Variants in BRINP1 observed in about 807,000 individuals in gnomAD.
The protein encoded by BRINP1 is BMP/retinoic acid-inducible neural-specific protein 1.
A neutral mutation model predicts 72.9 loss-of-function variants in BRINP1; 17 were observed. That is an observed-to-expected ratio of 0.23 (90% CI 0.16 to 0.35). The LOEUF (loss-of-function observed/expected upper bound fraction) is 0.35, where lower values mean the gene tolerates loss of function less well. Among genes scored for constraint, BRINP1 ranks in the 10% least tolerant of loss-of-function variants. The probability of loss-of-function intolerance (pLI) is 1.00; values close to 1 mark genes in which losing one functional copy is unlikely to be tolerated. For synonymous variants in BRINP1, 418 were observed against 378.5 expected (o/e 1.10, Z -1.21); for missense variants, 850 against 1,001.6 (o/e 0.85, Z 2.04).
chr9:119,303,291 G>C (rs201791272), intron 2 of BRINP1, among the ~76,000 whole-genome samples: 27 of 117,358 alleles, frequency 2.3e-4, no homozygotes, highest in South Asian at 8.9e-4. Context: ...CACACACACA[G>C]ACACACACAC....
intron 2 of BRINP1, among the ~76,000 whole-genome samples, chr9:119,268,934 A>C (rs549799269): frequency 6.2e-4 from 94 of 152,344 alleles, no homozygotes; most frequent in Non-Finnish European, 1.2e-3. Flanking sequence ...AAGGCACTAA[A>C]ATGTAGTTGA....
intron 1 of BRINP1, among the ~76,000 whole-genome samples, chr9:119,336,007 T>C (rs1277698064): frequency 6.6e-6 from 1 of 152,110 alleles, no homozygotes; most frequent in African/African-American, 2.4e-5. Context: ...TCCAGGGAGG[T>C]AGTTATTGCT....
intron 2 of BRINP1, among the ~76,000 whole-genome samples, chr9:119,270,352 G>A (rs1213015846): frequency 6.6e-6 from 1 of 152,142 alleles, no homozygotes; most frequent in Non-Finnish European, 1.5e-5. Context: ...AGATCACCCC[G>A]TGTTGAGAGT....
At chr9:119,334,989 AG>A (rs1359666716) in intron 1 of BRINP1, among the ~76,000 whole-genome samples, 9 of 152,082 alleles carry the variant, frequency 5.9e-5, no homozygotes, top group Non-Finnish European at 1.3e-4. Flanking sequence ...ATACTGTGGG[AG>A]CTCAGCAGGG....
At position 119,368,358 on chromosome 9, in the gene BRINP1, G is replaced by A. The variant is rs1042786372; in HGVS notation, c.-51+698C>T. Among the ~76,000 whole-genome samples, 1 of 152,092 alleles carries A rather than the reference G, an allele frequency of 6.6e-6. No individual in the cohort carries two copies. Among genetic ancestry groups the A allele is most frequent in the African/African-American group, 2.4e-5 (1 of 41,416 alleles). ...AAGTGACAGCGTCTCATTTGCCTCGGGGGTTGGCCATGTCTCTTTCATATT... is the reference window on the plus strand; with the variant it reads ...AAGTGACAGCGTCTCATTTGCCTCGAGGGTTGGCCATGTCTCTTTCATATT... On this transcript the variant is annotated intron_variant, in intron 1 of 7. Transcript: ENST00000265922. This position sits in a 1 kb window ranked among gnomAD's most constrained non-coding sequence, Gnocchi z 4.7.
chr9:119,342,250 T>C (rs76377641), intron 1 of BRINP1, among the ~76,000 whole-genome samples: 2,680 of 152,138 alleles, frequency 0.018, 104 homozygotes, highest in African/African-American at 0.062. Flanking sequence ...TCAGTTGTAA[T>C]GATATGAAAT....
At chr9:119,327,533 T>G (rs893396635) in intron 1 of BRINP1, among the ~76,000 whole-genome samples, 2 of 152,216 alleles carry the variant, frequency 1.3e-5, no homozygotes, top group East Asian at 3.8e-4. Context: ...TGTCAGAGTT[T>G]CATTTTAGAT....
chr9:119,343,325 G>A (rs1416504836), intron 1 of BRINP1, among the ~76,000 whole-genome samples: 8 of 152,180 alleles, frequency 5.3e-5, no homozygotes, highest in Non-Finnish European at 1.5e-5. Context: ...AAACACATCA[G>A]TAAGAGAAAG....
intron 2 of BRINP1, among the ~76,000 whole-genome samples, chr9:119,310,754 G>A (rs778724360): frequency 5.3e-5 from 8 of 152,084 alleles, no homozygotes; most frequent in African/African-American, 9.7e-5. Flanking sequence ...GTAACGTGCC[G>A]TGTCCATGCT....
At chr9:119,235,632 G>C (rs542301181) in intron 5 of BRINP1, among the ~76,000 whole-genome samples, 33 of 152,096 alleles carry the variant, frequency 2.2e-4, no homozygotes, top group Non-Finnish European at 2.6e-4. Flanking sequence ...TGTCTGTCTT[G>C]TTCACGACTT....
chr9:119,187,889 T>TA (rs1425900922), intron 7 of BRINP1, among the ~76,000 whole-genome samples: 1 of 152,132 alleles, frequency 6.6e-6, no homozygotes, highest in Non-Finnish European at 1.5e-5. Flanking sequence ...AGAGAAATCT[T>TA]AAAGCTGAAT....
Position 119,167,374 on chromosome 9 carries a change from C to T in BRINP1, c.1996G>A (p.Ala666Thr), listed in dbSNP as rs201374834. 41 of 1,614,008 alleles carry T rather than the reference C, an allele frequency of 2.5e-5. No homozygotes were observed. The highest frequency in any genetic ancestry group is 1.0e-4 in the Admixed American group (6 of 60,018). The stretch of plus-strand genomic sequence containing the variant: ...TGCACTGCACTGCGCAGGAGGTCGG[C>T]GTTGAACCTCAGGCTATACCCAAAC... ...QVFGYSLRFN[A>T]DLLRSAVQQV... is the part of the protein sequence containing the mutation. The change falls in exon 8 of 8, where the codon GCC (alanine) becomes ACC (threonine). Residue 666 changes from alanine to threonine, a missense_variant. Coordinates refer to ENST00000265922, the MANE Select transcript of BRINP1 (RefSeq NM_014618.3). The surrounding 1 kb of genome is among the most constrained non-coding windows in gnomAD (Gnocchi z 4.3).
intron 1 of BRINP1, among the ~76,000 whole-genome samples, chr9:119,321,985 C>T (rs746491027): frequency 1.3e-5 from 2 of 152,244 alleles, no homozygotes; most frequent in African/African-American, 2.4e-5. Context: ...TTATCAACAG[C>T]GTAGAACCCA....
intron 1 of BRINP1, among the ~76,000 whole-genome samples, chr9:119,339,974 CTCAT>C (rs1478418761): frequency 1.3e-5 from 2 of 152,144 alleles, no homozygotes; most frequent in Non-Finnish European, 2.9e-5. Flanking sequence ...TGCTCCCACA[CTCAT>C]TCCCTCTCCC....
intron 5 of BRINP1, among the ~76,000 whole-genome samples, chr9:119,218,095 G>A (rs1169098365): frequency 1.3e-5 from 2 of 151,964 alleles, no homozygotes; most frequent in African/African-American, 2.4e-5. Context: ...CCATTAGAGA[G>A]TAGGCTCTAG....
chr9:119,311,781 G>A (rs111356760), intron 2 of BRINP1, among the ~76,000 whole-genome samples: 4,651 of 152,126 alleles, frequency 0.031, 233 homozygotes, highest in African/African-American at 0.11. Flanking sequence ...TGATTGTAAC[G>A]AAAAATGTTT....
At chr9:119,173,310 A>T (rs1300633185) in intron 7 of BRINP1, among the ~76,000 whole-genome samples, 2 of 148,262 alleles carry the variant, frequency 1.3e-5, no homozygotes, top group Admixed American at 6.7e-5. Context: ...CAATGTACAA[A>T]AATCACAAGC....
intron 5 of BRINP1, among the ~76,000 whole-genome samples, chr9:119,230,823 CG>C (rs1179535587): frequency 2.0e-5 from 3 of 151,980 alleles, no homozygotes; most frequent in African/African-American, 7.2e-5. Flanking sequence ...ACACAAGTCT[CG>C]GGTGGCCCTG....
intron 2 of BRINP1, among the ~76,000 whole-genome samples, chr9:119,312,186 TAC>T (rs949249385): frequency 1.3e-5 from 2 of 152,198 alleles, no homozygotes; most frequent in Non-Finnish European, 2.9e-5. Flanking sequence ...AAAACTGCAT[TAC>T]AGACACCACC....
Sources: allele counts gnomAD v4.1 joint callset (sites outside exome capture counted in the v4.1 genomes callset), GRCh38; gene constraint gnomAD v4.1.1; non-coding constraint Gnocchi (gnomAD v3.1); transcripts MANE v1.5; gene names NCBI Gene and HGNC (gene_info 2026-07-23, HGNC 2026-07-21).